The following LYSMD1 variants were observed in gnomAD, a reference collection of about 807,000 sequenced individuals.
The protein encoded by LYSMD1 is lysM and putative peptidoglycan-binding domain-containing protein 1.
LYSMD1 carries 9 observed loss-of-function variants against 19.3 expected under a neutral mutation model. The observed-to-expected ratio is 0.47, with a 90% CI of 0.28 to 0.81. LYSMD1 has a LOEUF of 0.81. Among genes scored for constraint, LYSMD1 ranks in the 40% least tolerant of loss-of-function variants. The probability of loss-of-function intolerance (pLI) is 0.11; values close to 1 mark genes in which losing one functional copy is unlikely to be tolerated. For missense variants in LYSMD1, 262 were observed against 279.8 expected (o/e 0.94, Z 0.45); for synonymous variants, 111 against 111.7 (o/e 0.99, Z 0.04).
At chr1:151,158,025 G>A (rs1284377411), downstream of LYSMD1, among the ~76,000 whole-genome samples, 1 of 152,168 alleles carries the variant, frequency 6.6e-6, no homozygotes, top group African/African-American at 2.4e-5. Context: ...AAAAATGGTA[G>A]CTGTAAGAAT....
At chr1:151,153,428 G>A in the LYSMD1 span, among the ~76,000 whole-genome samples, 19 of 152,146 alleles carry the variant, frequency 1.2e-4, no homozygotes, top group African/African-American at 4.3e-4. Flanking sequence ...GTCGAGGTGG[G>A]TGGATCACAA....
downstream of LYSMD1, among the ~76,000 whole-genome samples, chr1:151,158,189 G>C (rs1215448314): frequency 6.6e-6 from 1 of 152,064 alleles, no homozygotes; most frequent in African/African-American, 2.4e-5. Flanking sequence ...CGGGCGTGGT[G>C]GTGGGTGCCT....
chr1:151,164,936 G>A (rs973214427), intron 1 of LYSMD1, 143 bp downstream of exon 1: 6 of 692,894 alleles, frequency 8.7e-6, no homozygotes, highest in African/African-American at 7.2e-5. Context: ...GCAACACTGT[G>A]ATGGGAAAAC....
At chr1:151,156,994 A>G (rs1247095687), downstream of LYSMD1, among the ~76,000 whole-genome samples, 1 of 152,046 alleles carries the variant, frequency 6.6e-6, no homozygotes, top group African/African-American at 2.4e-5. Context: ...AAACAAGGAG[A>G]TAGATGGGTA....
chr1:151,161,808 A>G lies in LYSMD1; in HGVS notation c.473T>C (p.Leu158Pro), dbSNP rs1683466616. 6.2e-7 allele frequency: 1 copy of G among 1,612,796 alleles called. No individual in the cohort carries two copies. Among genetic ancestry groups the G allele is most frequent in the South Asian group, 1.1e-5 (1 of 90,846 alleles). ...PIHDLSASDFLKKLDSQISLS... is the reference protein window; with the variant it reads ...PIHDLSASDFPKKLDSQISLS... The stretch of plus-strand genomic sequence containing the variant: ...GCTGATCTGTGAATCAAGCTTCTTA[A>G]GGAAATCAGAGGCAGAGAGGTCATG... Residue 158 changes from leucine to proline, a missense_variant, in exon 2 of 3, where the codon CTT becomes CCT. Coordinates refer to ENST00000368908, the MANE Select transcript of LYSMD1 (RefSeq NM_212551.5).
Position 151,165,353 on chromosome 1 carries a change from G to C in LYSMD1, c.-95C>G. ...GAAGTCTGGGAATGAATATTCAGGG[G>C]ATTCCTTTCCCCCTCTCTCTTCCCC... On this transcript the variant is annotated 5_prime_UTR_variant, in exon 1 of 3. In the 5' UTR this introduces an upstream ATG that the reference lacks. Coordinates refer to ENST00000368908, the MANE Select transcript of LYSMD1 (RefSeq NM_212551.5). The C allele has an allele frequency of 6.6e-7, 1 of 1,525,038 alleles. No homozygotes were observed. Among genetic ancestry groups the C allele is most frequent in the Non-Finnish European group, 8.8e-7 (1 of 1,137,076 alleles). The allele number at this position is 1,525,038 out of a possible 1,614,324, so 94.5% of individuals were successfully genotyped here. A position where few individuals can be genotyped will look rare whatever the true frequency, so the allele number is the denominator to read the frequency against.
the LYSMD1 span, among the ~76,000 whole-genome samples, chr1:151,149,784 A>G: frequency 1.3e-5 from 2 of 152,212 alleles, no homozygotes; most frequent in Admixed American, 1.3e-4. Context: ...CACAGATTGG[A>G]TTGGAAAAGC....
chr1:151,152,980 C>T, the LYSMD1 span, among the ~76,000 whole-genome samples: 1 of 152,152 alleles, frequency 6.6e-6, no homozygotes, highest in East Asian at 1.9e-4. Context: ...AAGTACTATT[C>T]ACTTCCTGTA....
downstream of LYSMD1, among the ~76,000 whole-genome samples, chr1:151,156,918 A>G (rs1382006898): frequency 2.0e-5 from 3 of 152,108 alleles, no homozygotes; most frequent in Admixed American, 2.0e-4. Flanking sequence ...CGGTGGGGGC[A>G]GGGCTGAGGG....
chr1:151,162,081 G>C lies in LYSMD1; in HGVS notation c.200C>G (p.Ala67Gly). The change falls in exon 2 of 3, where the codon GCA becomes GGA. Residue 67 changes from alanine to glycine, a missense_variant. Ala to Gly is a moderately conservative substitution (Grantham distance 60). Transcript: ENST00000368908. ...GGAGTCATTAGTATAAAGGCGGTTTGCACGTTTAATCTGTTCCATCTTAAA... is the reference window on the plus strand; with the variant it reads ...GGAGTCATTAGTATAAAGGCGGTTTCCACGTTTAATCTGTTCCATCTTAAA... ...YGVTMEQIKRANRLYTNDSIF... is the reference protein window; with the variant it reads ...YGVTMEQIKRGNRLYTNDSIF... 6.2e-7 allele frequency: 1 copy of C among 1,600,148 alleles called. No individual in the cohort carries two copies. The highest frequency in any genetic ancestry group is 8.5e-7 in the Non-Finnish European group (1 of 1,177,140).
chr1:151,149,525 G>A, the LYSMD1 span, among the ~76,000 whole-genome samples: 1 of 152,226 alleles, frequency 6.6e-6, no homozygotes. Context: ...TGAGGCGGGT[G>A]GATTGCCTGA....
chr1:151,162,758 G>T (rs1683497527), intron 1 of LYSMD1, among the ~76,000 whole-genome samples: 2 of 152,094 alleles, frequency 1.3e-5, no homozygotes, highest in African/African-American at 4.8e-5. Flanking sequence ...ATACCAAGTG[G>T]TCAACAAAAC....
the LYSMD1 span, among the ~76,000 whole-genome samples, chr1:151,151,925 A>G: frequency 2.0e-5 from 3 of 149,580 alleles, no homozygotes; most frequent in Non-Finnish European, 4.5e-5. Flanking sequence ...GCGAAACTCC[A>G]TCTTAAAAAA....
chr1:151,161,039 G>A lies in LYSMD1; in HGVS notation c.546-19C>T, dbSNP rs779345260. The A allele has an allele frequency of 8.1e-6, 13 of 1,612,598 alleles. No homozygotes were observed. In the South Asian group the frequency reaches 1.3e-4, roughly 16 times the overall value. ...AGGTACCCTGCAATTGAGGAAAGGG[G>A]GGAAAGAGTGACAGATCAAGGGAAG... On this transcript the variant is annotated intron_variant, in intron 2 of 2. Coordinates refer to ENST00000368908, the MANE Select transcript of LYSMD1 (RefSeq NM_212551.5).
chr1:151,160,358 T>C lies in LYSMD1; in HGVS notation c.*524A>G, dbSNP rs1683397892. On this transcript the variant is annotated 3_prime_UTR_variant, in exon 3 of 3. Coordinates refer to ENST00000368908, the MANE Select transcript of LYSMD1 (RefSeq NM_212551.5). ...CGATTGCCTCATCCTCAATAACATG[T>C]TTGGCTAACAAGGTGGGGAAAGTGG... 1 of 152,418 alleles carries C rather than the reference T, an allele frequency of 6.6e-6. No homozygotes were observed. Among genetic ancestry groups the C allele is most frequent in the Non-Finnish European group, 1.5e-5 (1 of 68,242 alleles). The allele number at this position is 152,418 out of a possible 1,614,324, so 9.4% of individuals were successfully genotyped here. A position where few individuals can be genotyped will look rare whatever the true frequency, so the allele number is the denominator to read the frequency against.
At position 151,165,617 on chromosome 1, in the gene LYSMD1, G is replaced by A; in HGVS notation, c.-359C>T. ...TTGCCCCCAAGTAGCCTGGCCTCAG[G>A]GCGCTCCAACATCCCAGCTCTCCCC... On this transcript the variant is annotated 5_prime_UTR_variant, in exon 1 of 3. Transcript: ENST00000368908. 24 of 1,532,750 alleles carry A rather than the reference G, an allele frequency of 1.6e-5. No homozygotes were observed. Among genetic ancestry groups the A allele is most frequent in the Non-Finnish European group, 2.1e-5 (24 of 1,141,188 alleles). 94.9% of individuals were successfully genotyped at this position (1,532,750 alleles called of 1,614,324 possible).
chr1:151,158,591 T>A, downstream of LYSMD1: 1 of 1,107,906 alleles, frequency 9.0e-7, no homozygotes, highest in South Asian at 1.7e-5. Flanking sequence ...GATGATGACA[T>A]GGAAACTAAA....
At position 151,165,636 on chromosome 1, in the gene LYSMD1, T is replaced by A. The variant is rs977962890; in HGVS notation, c.-378A>T. ...CCTCAGGGCGCTCCAACATCCCAGC[T>A]CTCCCCGGTCCCGGGGTTTGTTTGC... On this transcript the variant is annotated 5_prime_UTR_variant, in exon 1 of 3. Coordinates refer to ENST00000368908, the MANE Select transcript of LYSMD1 (RefSeq NM_212551.5). The A allele has an allele frequency of 1.2e-5, 18 of 1,543,812 alleles. No individual in the cohort carries two copies. Among genetic ancestry groups the A allele is most frequent in the African/African-American group, 1.4e-5 (1 of 72,944 alleles).
chr1:151,159,337 G>A, downstream of LYSMD1: 1 of 1,342,492 alleles, frequency 7.4e-7, no homozygotes. Flanking sequence ...CTGCTCACCT[G>A]GCACTAACAC....
Sources: gnomAD v4.1 joint callset for allele counts (sites outside exome capture counted in the v4.1 genomes callset) on GRCh38, gnomAD v4.1.1 for gene constraint, MANE v1.5 for transcripts, NCBI Gene and HGNC (gene_info 2026-07-23, HGNC 2026-07-21) for gene names.